Variants in RERE observed in about 807,000 individuals in gnomAD.
The protein encoded by RERE is arginine-glutamic acid dipeptide repeats, also known as arginine-glutamic acid dipeptide repeats protein.
A neutral mutation model predicts 146.1 loss-of-function variants in RERE; 40 were observed. That is an observed-to-expected ratio of 0.27 (90% CI 0.21 to 0.36). The LOEUF is 0.36. Among genes scored for constraint, RERE ranks in the 10% least tolerant of loss-of-function variants. The probability of loss-of-function intolerance (pLI) is 1.00; values close to 1 mark genes in which losing one functional copy is unlikely to be tolerated. For missense variants in RERE, 1,933 were observed against 2,138.7 expected (o/e 0.90, Z 1.90); for synonymous variants, 1,003 against 866.0 (o/e 1.16, Z -2.78).
rs147469570 is a variant in RERE, at chr1:8,654,107, G to A, written c.325+1866C>T. 6.6e-5 allele frequency among the ~76,000 whole-genome samples: 10 copies of A among 151,794 alleles called. No homozygotes were observed. In the South Asian group the frequency reaches 1.0e-3, roughly 16 times the overall value. On this transcript the variant is annotated intron_variant, in intron 2 of 22. Transcript: ENST00000400908. ...CAGGCTGCAGTGCTATGATGTGAAC[G>A]GGGCTTACTGCAGCCTTGCCCTCCT...
chr1:8,406,850 G>A (rs1007192070), intron 12 of RERE, among the ~76,000 whole-genome samples: 2 of 152,026 alleles, frequency 1.3e-5, no homozygotes, highest in African/African-American at 4.8e-5. Flanking sequence ...ATTTTAGACC[G>A]CATTTTCAGC....
At chr1:8,625,171 C>T (rs1248810450) in intron 2 of RERE, among the ~76,000 whole-genome samples, 1 of 152,060 alleles carries the variant, frequency 6.6e-6, no homozygotes, top group Non-Finnish European at 1.5e-5. Context: ...TTTGGCTGGT[C>T]TCCTCTCCAA....
chr1:8,770,306 T>A (rs774946353), intron 1 of RERE, among the ~76,000 whole-genome samples: 8 of 152,164 alleles, frequency 5.3e-5, no homozygotes, highest in African/African-American at 1.2e-4. Flanking sequence ...GGTACTTATT[T>A]AAAAAAAAAT....
At chr1:8,719,106 C>G (rs1297595524) in intron 1 of RERE, among the ~76,000 whole-genome samples, 1 of 152,258 alleles carries the variant, frequency 6.6e-6, no homozygotes, top group African/African-American at 2.4e-5. Context: ...TGCTTTTCAT[C>G]CTTGTTACTA....
chr1:8,592,339 G>C (rs1646505089), intron 4 of RERE, among the ~76,000 whole-genome samples: 1 of 151,820 alleles, frequency 6.6e-6, no homozygotes, highest in Non-Finnish European at 1.5e-5. Flanking sequence ...CTGTAATCTT[G>C]GCTCACTGCA....
rs868843409 is a variant in RERE at position 8,697,453 on chromosome 1, C to T, written c.-144-41012G>A. 5.4e-4 allele frequency among the ~76,000 whole-genome samples: 78 copies of T among 144,202 alleles called. 1 individual carries two copies. Among genetic ancestry groups the T allele is most frequent in the South Asian group, 4.4e-4 (2 of 4,538 alleles). The allele number at this position is 144,202 out of a possible 152,430, so 94.6% of individuals were successfully genotyped here. On this transcript the variant is annotated intron_variant, in intron 1 of 22. Coordinates refer to ENST00000400908, the MANE Select transcript of RERE (RefSeq NM_001042681.2). ...TGTCCCCCAGGCTGGAGTGCAGTGG[C>T]GTGATCTCAGCTCACTGCAAGCTCC... is the stretch of plus-strand genomic sequence containing the variant.
At chr1:8,397,198 A>G (rs1034280022) in intron 12 of RERE, among the ~76,000 whole-genome samples, 2 of 152,212 alleles carry the variant, frequency 1.3e-5, no homozygotes, top group Non-Finnish European at 2.9e-5. Flanking sequence ...GCAAGTCATC[A>G]TAATCTCTCT....
At chr1:8,685,573 A>C (rs924565565) in intron 1 of RERE, among the ~76,000 whole-genome samples, 13 of 152,042 alleles carry the variant, frequency 8.6e-5, no homozygotes, top group East Asian at 1.9e-4. Flanking sequence ...CACACACACA[A>C]AAAAACAAAA....
At chr1:8,807,667 A>G (rs1641716229) in intron 1 of RERE, among the ~76,000 whole-genome samples, 2 of 152,216 alleles carry the variant, frequency 1.3e-5, no homozygotes, top group African/African-American at 4.8e-5. Flanking sequence ...ATTAAAAGTT[A>G]CACAAATCTT....
intron 12 of RERE, among the ~76,000 whole-genome samples, chr1:8,415,547 G>A (rs1047473955): frequency 2.0e-5 from 3 of 152,108 alleles, no homozygotes; most frequent in Admixed American, 6.5e-5. Context: ...GTAGGATAAC[G>A]CCAAGGTCAG....
At chr1:8,440,173 T>C (rs1460912906) in intron 11 of RERE, among the ~76,000 whole-genome samples, 1 of 152,242 alleles carries the variant, frequency 6.6e-6, no homozygotes. Context: ...AACCACTGTA[T>C]TGAAACTGTC....
Position 8,668,511 on chromosome 1 carries a change from C to T in RERE, c.-144-12070G>A, listed in dbSNP as rs1326088835. Among the ~76,000 whole-genome samples the T allele has an allele frequency of 2.6e-5, 4 of 152,190 alleles. 1 individual carries two copies. Among genetic ancestry groups the T allele is most frequent in the Admixed American group, 2.6e-4 (4 of 15,286 alleles). On this transcript the variant is annotated intron_variant, in intron 1 of 22. Transcript: ENST00000400908. The stretch of plus-strand genomic sequence containing the variant: ...TTGAAAGGGGAAAAGAATCCCTAAA[C>T]TCACTTTCCCAAAGCATGGCTGTAA...
At chr1:8,394,785 T>C (rs1345264885) in intron 12 of RERE, among the ~76,000 whole-genome samples, 1 of 152,110 alleles carries the variant, frequency 6.6e-6, no homozygotes, top group East Asian at 1.9e-4. Context: ...AACCATAAAA[T>C]CCACTACTAG....
Position 8,423,091 on chromosome 1 carries a change from T to A in RERE, c.1204-284A>T. On this transcript the variant is annotated intron_variant, in intron 11 of 22. Transcript: ENST00000400908. This position sits in a 1 kb window ranked among gnomAD's most constrained non-coding sequence, Gnocchi z 5.4. Reference sequence around the variant, plus strand: ...GCTAAGAAGCAATCTGTCCCCCTCTTCCACCAGGCACACATTCTGGTGCAC... The same window carrying A: ...GCTAAGAAGCAATCTGTCCCCCTCTACCACCAGGCACACATTCTGGTGCAC... The A allele has an allele frequency of 2.5e-6, 1 of 396,884 alleles. No homozygotes were observed. Among genetic ancestry groups the A allele is most frequent in the Non-Finnish European group, 4.7e-6 (1 of 211,698 alleles). The allele number at this position is 396,884 out of a possible 1,614,324, so 24.6% of individuals were successfully genotyped here.
intron 11 of RERE, among the ~76,000 whole-genome samples, chr1:8,458,807 TGAATGGAAAGGTCA>T (rs1237033527): frequency 6.6e-6 from 1 of 152,216 alleles, no homozygotes; most frequent in Non-Finnish European, 1.5e-5. Flanking sequence ...GCCGTGGATG[TGAATGGAAAGGTCA>T]CAGCTGAATC....
intron 4 of RERE, among the ~76,000 whole-genome samples, chr1:8,565,600 G>A (rs1646144018): frequency 6.6e-6 from 1 of 152,062 alleles, no homozygotes; most frequent in Admixed American, 6.5e-5. Context: ...CCAGCTACTC[G>A]GGAGGCTGAG....
At chr1:8,665,087 C>T (rs1638540726) in intron 1 of RERE, among the ~76,000 whole-genome samples, 1 of 152,182 alleles carries the variant, frequency 6.6e-6, no homozygotes, top group African/African-American at 2.4e-5. Context: ...CCAGAACACA[C>T]CACACTCCTT....
intron 1 of RERE, among the ~76,000 whole-genome samples, chr1:8,687,039 G>T (rs1189621708): frequency 6.6e-6 from 1 of 152,206 alleles, no homozygotes; most frequent in Non-Finnish European, 1.5e-5. Flanking sequence ...CTCTTGTTGA[G>T]AAGTTTTTCT....
At chr1:8,637,055 G>A (rs1411854285) in intron 2 of RERE, among the ~76,000 whole-genome samples, 2 of 151,946 alleles carry the variant, frequency 1.3e-5, no homozygotes, top group Admixed American at 1.3e-4. Context: ...CATATTTTGG[G>A]GAAAATATTC....
Sources: allele counts gnomAD v4.1 joint callset (sites outside exome capture counted in the v4.1 genomes callset), GRCh38; gene constraint gnomAD v4.1.1; non-coding constraint Gnocchi (gnomAD v3.1); transcripts MANE v1.5; gene names NCBI Gene and HGNC (gene_info 2026-07-23, HGNC 2026-07-21).